Variants in SLC25A48 observed in about 807,000 individuals in gnomAD.
The protein encoded by SLC25A48 is CTC-321K16.1.
A neutral mutation model predicts 32.2 loss-of-function variants in SLC25A48; 29 were observed. That is an observed-to-expected ratio of 0.90 (90% confidence interval 0.67 to 1.23). SLC25A48 has a LOEUF of 1.23. Ranked by LOEUF, SLC25A48 falls within the 50% of genes most tolerant of loss-of-function variation. The pLI, the probability that SLC25A48 is intolerant of heterozygous loss-of-function variation, is 0.00. For missense variants in SLC25A48, 399 were observed against 422.7 expected, an observed-to-expected ratio of 0.94 and a Z score of 0.49; for synonymous variants, 164 against 172.3, an observed-to-expected ratio of 0.95 and a Z score of 0.38.
intron 3 of SLC25A48, among the ~76,000 whole-genome samples, chr5:135,798,922 A>C (rs1235055059): frequency 6.6e-6 from 1 of 150,472 alleles, no homozygotes; most frequent in Non-Finnish European, 1.5e-5. Context: ...TATCCTAAAG[A>C]GTGTACACCT....
chr5:135,827,512 A>T (rs1043131865), intron 4 of SLC25A48: 5 of 152,178 alleles, frequency 3.3e-5, no homozygotes, highest in African/African-American at 1.2e-4. Context: ...GTATGATGGG[A>T]GTATGAAGAA....
intron 1 of SLC25A48, among the ~76,000 whole-genome samples, chr5:135,622,072 G>A (rs1752338737): frequency 6.6e-6 from 1 of 152,132 alleles, no homozygotes; most frequent in South Asian, 2.1e-4. Context: ...AGGCCAAGAA[G>A]CATATGGAAA....
intron 3 of SLC25A48, among the ~76,000 whole-genome samples, chr5:135,764,706 T>TG (rs1282549150): frequency 3.6e-5 from 5 of 140,216 alleles, no homozygotes; most frequent in South Asian, 4.8e-4. Context: ...TCATAATATC[T>TG]GGGGGGGAGA....
At chr5:135,790,189 A>C (rs1367111831) in intron 3 of SLC25A48, among the ~76,000 whole-genome samples, 7 of 151,806 alleles carry the variant, frequency 4.6e-5, no homozygotes, top group Non-Finnish European at 8.8e-5. Context: ...TATTATTCAT[A>C]ATAATCTAGG....
intron 3 of SLC25A48, among the ~76,000 whole-genome samples, chr5:135,754,554 T>A (rs1457245696): frequency 5.3e-5 from 8 of 151,936 alleles, no homozygotes; most frequent in Non-Finnish European, 8.8e-5. Context: ...ATCCAATGAT[T>A]ACACACTATG....
At chr5:135,768,624 T>G (rs756547022) in intron 3 of SLC25A48, among the ~76,000 whole-genome samples, 1 of 151,560 alleles carries the variant, frequency 6.6e-6, no homozygotes, top group Non-Finnish European at 1.5e-5. Context: ...TCGCAGGGAT[T>G]GTTGACCCCC....
At chr5:135,801,808 C>T (rs1011330129) in intron 3 of SLC25A48, among the ~76,000 whole-genome samples, 4 of 151,678 alleles carry the variant, frequency 2.6e-5, no homozygotes, top group African/African-American at 9.7e-5. Flanking sequence ...AGTCCCAATA[C>T]TGCAGAGGGT....
chr5:135,828,875 C>G (rs1758134541), intron 4 of SLC25A48, among the ~76,000 whole-genome samples: 1 of 152,226 alleles, frequency 6.6e-6, no homozygotes, highest in Admixed American at 6.5e-5. Context: ...CTTCCCGACT[C>G]CCCTTGCATT....
In SLC25A48 at chr5:135,876,972, T is replaced by C. The variant is rs890852395; in HGVS notation, c.813+2818T>C. On this transcript the variant is annotated intron_variant, in intron 6 of 7. Coordinates refer to ENST00000681962, the MANE Select transcript of SLC25A48 (RefSeq NM_001349336.2). ...GATAGAGTGCAAGGCCCAAAGCCCA[T>C]CATCATTCCAATCTGTTCTCACCTT... Among the ~76,000 whole-genome samples the C allele has an allele frequency of 6.6e-5, 10 of 152,192 alleles. No homozygotes were observed. The South Asian group carries it at 2.1e-3, about 32-fold the overall frequency.
chr5:135,860,279 C>A (rs1449617485), intron 4 of SLC25A48, among the ~76,000 whole-genome samples: 2 of 152,218 alleles, frequency 1.3e-5, no homozygotes, highest in African/African-American at 2.4e-5. Flanking sequence ...TTTCTTGAGA[C>A]CACAGCTCTC....
At chr5:135,619,517 TGTG>T (rs1241097606) in intron 1 of SLC25A48, among the ~76,000 whole-genome samples, 3 of 152,194 alleles carry the variant, frequency 2.0e-5, no homozygotes, top group African/African-American at 7.2e-5. Flanking sequence ...GGTGGAGAGT[TGTG>T]GTGGTTCTTT....
Position 135,593,999 on chromosome 5 carries a change from T to C in SLC25A48, c.-849+14402T>C, listed in dbSNP as rs187836974. On this transcript the variant is annotated intron_variant, in intron 1 of 10. Coordinates refer to the SLC25A48 transcript ENST00000646290. The stretch of plus-strand genomic sequence containing the variant: ...GCATCATCTTGTTTACCTGGCACAG[T>C]ATCTGATACACAGCATGGTCTTGCT... Among the ~76,000 whole-genome samples, 43 of 152,340 alleles carry C rather than the reference T, an allele frequency of 2.8e-4. No homozygotes were observed. The Middle Eastern group carries it at 0.01, about 36-fold the overall frequency.
intron 3 of SLC25A48, among the ~76,000 whole-genome samples, chr5:135,747,814 G>C (rs1053340553): frequency 4.6e-5 from 7 of 152,176 alleles, no homozygotes; most frequent in African/African-American, 1.7e-4. Flanking sequence ...TTGTGCTTTC[G>C]TGTGAATTAC....
chr5:135,637,738 T>C (rs1752737536), intron 3 of SLC25A48, among the ~76,000 whole-genome samples: 1 of 152,200 alleles, frequency 6.6e-6, no homozygotes, highest in African/African-American at 2.4e-5. Flanking sequence ...CCCCTGTTCT[T>C]TGTTAAGGTG....
intron 4 of SLC25A48, among the ~76,000 whole-genome samples, chr5:135,864,247 G>A (rs1479286302): frequency 1.3e-5 from 2 of 152,114 alleles, no homozygotes; most frequent in African/African-American, 4.8e-5. Flanking sequence ...TGGCTGGGAG[G>A]TCATCAGCTG....
At chr5:135,614,973 C>T (rs1050011239) in intron 1 of SLC25A48, among the ~76,000 whole-genome samples, 5 of 152,220 alleles carry the variant, frequency 3.3e-5, no homozygotes, top group African/African-American at 4.8e-5. Context: ...TGCCTGCTTT[C>T]TCTTCACCCT....
At chr5:135,830,436 A>G (rs1283301315), upstream of SLC25A48, among the ~76,000 whole-genome samples, 1 of 152,214 alleles carries the variant, frequency 6.6e-6, no homozygotes, top group Non-Finnish European at 1.5e-5. Context: ...CCAGAGAGGC[A>G]GCAGCAGCAC....
intron 1 of SLC25A48, among the ~76,000 whole-genome samples, chr5:135,606,272 G>T (rs555725657): frequency 1.3e-5 from 2 of 152,310 alleles, no homozygotes; most frequent in South Asian, 4.1e-4. Context: ...AGATAGGGGA[G>T]TATGTTAACT....
intron 1 of SLC25A48, among the ~76,000 whole-genome samples, chr5:135,625,752 A>C (rs753968855): frequency 5.3e-5 from 8 of 152,082 alleles, no homozygotes; most frequent in Non-Finnish European, 8.8e-5. Context: ...CATTGATAGG[A>C]GAAGCAAGAA....
Sources: gnomAD v4.1 joint callset for allele counts (sites outside exome capture counted in the v4.1 genomes callset) on GRCh38, gnomAD v4.1.1 for gene constraint, MANE v1.5 for transcripts, NCBI Gene and HGNC (gene_info 2026-07-23, HGNC 2026-07-21) for gene names.